The following SOD2 variants were observed in gnomAD, a reference collection of about 807,000 sequenced individuals.
SOD2 encodes superoxide dismutase [Mn], mitochondrial.
In SOD2, 11 loss-of-function variants were observed where a neutral mutation model predicts 27.0. The observed-to-expected ratio is 0.41, with a 90% CI of 0.26 to 0.67. SOD2 has a LOEUF of 0.67. SOD2 is among the 30% of genes least tolerant of loss of function. The pLI is 0.34. For synonymous variants in SOD2, 105 were observed against 103.0 expected, an observed-to-expected ratio of 1.02 and a Z score of -0.12; for missense variants, 250 against 274.5, an observed-to-expected ratio of 0.91 and a Z score of 0.63.
chr6:159,707,993 T>C lies in SOD2; in HGVS notation c.-115-15130A>G, dbSNP rs554789368. Among the ~76,000 whole-genome samples, 20 of 152,224 alleles carry C rather than the reference T, an allele frequency of 1.3e-4. 1 individual carries two copies. Among genetic ancestry groups the C allele is most frequent in the African/African-American group, 4.3e-4 (18 of 41,542 alleles). Reference sequence around the variant, plus strand: ...GCAAACCAATAAATGTAATCCAGCATATAAACAGAACCAAAGACAAAAACC... The same window carrying C: ...GCAAACCAATAAATGTAATCCAGCACATAAACAGAACCAAAGACAAAAACC... On this transcript the variant is annotated intron_variant, in intron 1 of 2. Transcript: ENST00000401980.
chr6:159,725,770 T>C (rs971004099), intron 1 of SOD2: 6 of 151,714 alleles, frequency 4.0e-5, no homozygotes, highest in Admixed American at 3.9e-4. Flanking sequence ...AATATAAATA[T>C]ATATTTTTAT....
rs1171438641 is a variant in SOD2, at chr6:159,679,719, G to A, written c.*2774C>T. The A allele has an allele frequency of 6.6e-6, 1 of 152,170 alleles. No individual in the cohort carries two copies. Among genetic ancestry groups the A allele is most frequent in the East Asian group, 1.9e-4 (1 of 5,200 alleles). 9.4% of individuals were successfully genotyped at this position (152,170 alleles called of 1,614,324 possible). A position where few individuals can be genotyped will look rare whatever the true frequency, so the allele number is the denominator to read the frequency against. ...GATTCAGTCACAAAAACCCTTCTTG[G>A]ATGAACAATACTTGTTCTTTTCAGA... On this transcript the variant is annotated 3_prime_UTR_variant, in exon 5 of 5. Transcript: ENST00000538183.
At chr6:159,731,767 A>T (rs1310063252), upstream of SOD2, among the ~76,000 whole-genome samples, 1 of 152,158 alleles carries the variant, frequency 6.6e-6, no homozygotes, top group East Asian at 1.9e-4. Context: ...TCTTTTTGAG[A>T]TGGGGAAACT....
intron 1 of SOD2, chr6:159,753,537 A>G: frequency 6.2e-7 from 1 of 1,614,238 alleles, no homozygotes; most frequent in Non-Finnish European, 8.5e-7. Context: ...CAGCTGTCCC[A>G]GGGACGTATT....
intron 1 of SOD2, chr6:159,725,953 T>C (rs1478590448): frequency 6.6e-6 from 1 of 152,226 alleles, no homozygotes; most frequent in Admixed American, 6.5e-5. Flanking sequence ...TTCTACTGTA[T>C]GGATGCACCA....
chr6:159,696,600 A>G (rs1777425427), upstream of SOD2, among the ~76,000 whole-genome samples: 1 of 151,882 alleles, frequency 6.6e-6, no homozygotes, highest in African/African-American at 2.4e-5. Flanking sequence ...GATTACAGGC[A>G]TGAGCCACCA....
chr6:159,721,597 A>G (rs1031632469), intron 1 of SOD2, among the ~76,000 whole-genome samples: 1 of 141,974 alleles, frequency 7.0e-6, no homozygotes, highest in Non-Finnish European at 1.5e-5. Context: ...CGAACTCCCA[A>G]CCTCAGGTGA....
chr6:159,753,902 C>T (rs1006974022), intron 1 of SOD2, among the ~76,000 whole-genome samples: 2 of 152,136 alleles, frequency 1.3e-5, no homozygotes, highest in Admixed American at 6.5e-5. Flanking sequence ...TATTACTTAA[C>T]AAGATGGACA....
chr6:159,710,213 T>C (rs1272842721), intron 1 of SOD2, among the ~76,000 whole-genome samples: 1 of 151,444 alleles, frequency 6.6e-6, no homozygotes, highest in African/African-American at 2.4e-5. Context: ...TGCATACATA[T>C]GTAACAAACC....
At chr6:159,754,349 T>C (rs1449915123) in intron 1 of SOD2, among the ~76,000 whole-genome samples, 2 of 152,156 alleles carry the variant, frequency 1.3e-5, no homozygotes, top group Non-Finnish European at 2.9e-5. Context: ...TGGAGTGTTA[T>C]AGAGGACCAC....
chr6:159,727,047 C>A (rs1778210423), intron 1 of SOD2: 2 of 1,220,286 alleles, frequency 1.6e-6, no homozygotes, highest in Non-Finnish European at 1.0e-6. Context: ...CCGGCGAGTA[C>A]TTCCACCTTC....
chr6:159,726,712 C>A (rs1411844195), intron 1 of SOD2: 19 of 1,233,234 alleles, frequency 1.5e-5, no homozygotes, highest in Admixed American at 2.5e-5. Context: ...GCGGACACAG[C>A]GCAACCTCCG....
At chr6:159,717,739 T>G (rs1777946520) in intron 1 of SOD2, among the ~76,000 whole-genome samples, 1 of 152,164 alleles carries the variant, frequency 6.6e-6, no homozygotes, top group Non-Finnish European at 1.5e-5. Context: ...CAGTCTCTAG[T>G]AACCGCTATT....
intron 1 of SOD2, among the ~76,000 whole-genome samples, chr6:159,722,065 T>C (rs1583047735): frequency 6.6e-6 from 1 of 151,198 alleles, no homozygotes; most frequent in East Asian, 1.9e-4. Context: ...ACATTCTTTA[T>C]TAAAAAAAAA....
chr6:159,720,718 C>A (rs915682709), intron 1 of SOD2, among the ~76,000 whole-genome samples: 4 of 152,100 alleles, frequency 2.6e-5, no homozygotes, highest in Non-Finnish European at 1.5e-5. Flanking sequence ...ATCAGATTTG[C>A]ATGACAACCC....
rs184308833 is a variant in SOD2 at position 159,753,046 on chromosome 6, T to G, written c.-335-4370A>C. Reference sequence around the variant, plus strand: ...TTGTAGGTACTGATTTTCATAAATATTTGTGATTGATGTTGCATGTACCTT... The same window carrying G: ...TTGTAGGTACTGATTTTCATAAATAGTTGTGATTGATGTTGCATGTACCTT... On this transcript the variant is annotated intron_variant, in intron 1 of 7. Coordinates refer to the SOD2 transcript ENST00000546087. Among the ~76,000 whole-genome samples, 288 of 152,364 alleles carry G rather than the reference T, an allele frequency of 1.9e-3. 1 individual carries two copies. Among genetic ancestry groups the G allele is most frequent in the Non-Finnish European group, 2.3e-3 (156 of 68,030 alleles).
chr6:159,693,731 G>A (rs1397772591), upstream of SOD2, among the ~76,000 whole-genome samples: 1 of 152,226 alleles, frequency 6.6e-6, no homozygotes, highest in Non-Finnish European at 1.5e-5. Flanking sequence ...GCCGTTCCTA[G>A]GGAAGACGGG....
upstream of SOD2, among the ~76,000 whole-genome samples, chr6:159,731,828 T>G (rs1377478857): frequency 5.9e-5 from 9 of 152,234 alleles, no homozygotes; most frequent in Admixed American, 5.9e-4. Context: ...ACAACCTGTT[T>G]CAGAATACCA....
At chr6:159,760,621 G>A (rs1416731068) in intron 1 of SOD2, 1 of 152,206 alleles carries the variant, frequency 6.6e-6, no homozygotes, top group African/African-American at 2.4e-5. Context: ...CTTAGGAGAC[G>A]AGGTTAGATG....
Sources: allele counts gnomAD v4.1 joint callset (sites outside exome capture counted in the v4.1 genomes callset), GRCh38; gene constraint gnomAD v4.1.1; transcripts MANE v1.5; gene names NCBI Gene and HGNC (gene_info 2026-07-23, HGNC 2026-07-21).